The following VPS13B variants were observed in gnomAD, a reference collection of about 807,000 sequenced individuals.
VPS13B encodes vacuolar protein sorting 13 homolog B.
VPS13B carries 285 observed loss-of-function variants against 426.4 expected under a neutral mutation model. The ratio of observed to expected loss-of-function variants is 0.67; its 90% CI spans 0.61 to 0.74. The LOEUF (loss-of-function observed/expected upper bound fraction) is 0.74, where lower values mean the gene tolerates loss of function less well. Among genes scored for constraint, VPS13B ranks in the 30% least tolerant of loss-of-function variants. VPS13B has a pLI of 0.00. For missense variants in VPS13B, 4,537 were observed against 4,782.6 expected, an observed-to-expected ratio of 0.95 and a Z score of 1.51; for synonymous variants, 1,676 against 1,676.4, an observed-to-expected ratio of 1.00 and a Z score of 0.01.
At chr8:99,126,919 C>T in intron 8 of VPS13B, among the ~76,000 whole-genome samples, 1 of 152,064 alleles carries the variant, frequency 6.6e-6, no homozygotes, top group Non-Finnish European at 1.5e-5. Flanking sequence ...TATGGTGAAA[C>T]TCTGTCTCTA....
At chr8:99,063,145 G>A (rs1844282643) in intron 3 of VPS13B, among the ~76,000 whole-genome samples, 1 of 152,208 alleles carries the variant, frequency 6.6e-6, no homozygotes, top group Non-Finnish European at 1.5e-5. Context: ...GCAGCTCCCA[G>A]CGTGATTGAC....
At chr8:99,169,570 T>C (rs1361677135) in intron 15 of VPS13B, among the ~76,000 whole-genome samples, 1 of 152,060 alleles carries the variant, frequency 6.6e-6, no homozygotes, top group African/African-American at 2.4e-5. Context: ...ATATCCTTTT[T>C]GTATGTACAT....
intron 17 of VPS13B, among the ~76,000 whole-genome samples, chr8:99,209,428 A>G (rs1814934926): frequency 6.6e-6 from 1 of 152,108 alleles, no homozygotes; most frequent in Admixed American, 6.6e-5. Flanking sequence ...TCCTTGAAAA[A>G]TTTCCTACTG....
At chr8:99,824,016 AT>A (rs762387440) in intron 51 of VPS13B, 38 bp downstream of exon 51, 5 of 1,603,296 alleles carry the variant, frequency 3.1e-6, no homozygotes, top group Non-Finnish European at 4.3e-6. Context: ...CTAAGTTTTG[AT>A]AAAGAAACAA....
chr8:99,411,348 C>A (rs1215825692), intron 21 of VPS13B, among the ~76,000 whole-genome samples: 1 of 152,196 alleles, frequency 6.6e-6, no homozygotes, highest in Non-Finnish European at 1.5e-5. Context: ...TTGTAGGCCG[C>A]ATAAATGTCT....
chr8:99,171,511 A>T (rs1403866087), intron 16 of VPS13B, among the ~76,000 whole-genome samples: 1 of 152,000 alleles, frequency 6.6e-6, no homozygotes, highest in South Asian at 2.1e-4. Flanking sequence ...TATAGCCTTT[A>T]TATAAAATCA....
At chr8:99,063,436 T>C (rs1264992945) in intron 3 of VPS13B, among the ~76,000 whole-genome samples, 1 of 152,180 alleles carries the variant, frequency 6.6e-6, no homozygotes, top group East Asian at 1.9e-4. Context: ...CCTGGCTTGG[T>C]GGGTCCCATG....
chr8:99,706,318 C>G (rs1464042884), intron 36 of VPS13B, among the ~76,000 whole-genome samples: 1 of 152,116 alleles, frequency 6.6e-6, no homozygotes, highest in Admixed American at 6.6e-5. Flanking sequence ...TTATTAATGA[C>G]GAGTTCAAGG....
intron 37 of VPS13B, 71 bp downstream of exon 37, chr8:99,717,444 A>G (rs899724862): frequency 2.2e-6 from 3 of 1,366,032 alleles, no homozygotes; most frequent in African/African-American, 1.4e-5. Flanking sequence ...GAACTGTTTC[A>G]CTAAATTTTA....
At chr8:99,450,982 A>G (rs1022998995) in intron 23 of VPS13B, among the ~76,000 whole-genome samples, 1 of 152,200 alleles carries the variant, frequency 6.6e-6, no homozygotes, top group African/African-American at 2.4e-5. Context: ...ATCTGACTTT[A>G]TAAGCAGAAA....
At chr8:99,722,585 C>G (rs1459679243) in intron 39 of VPS13B, among the ~76,000 whole-genome samples, 1 of 151,286 alleles carries the variant, frequency 6.6e-6, no homozygotes, top group African/African-American at 2.4e-5. Context: ...CGGCTCACTG[C>G]AAGCTCCGCC....
chr8:99,867,269 G>A (rs772990016), intron 58 of VPS13B, among the ~76,000 whole-genome samples: 1 of 152,082 alleles, frequency 6.6e-6, no homozygotes, highest in Non-Finnish European at 1.5e-5. Flanking sequence ...AATCAGAATG[G>A]TAAGACTTTT....
chr8:99,621,552 A>G (rs1828349017), intron 33 of VPS13B, among the ~76,000 whole-genome samples: 1 of 152,112 alleles, frequency 6.6e-6, no homozygotes, highest in Admixed American at 6.5e-5. Context: ...TTGCTTTATC[A>G]TGCTAACTCC....
chr8:99,686,981 G>A (rs1831437690), intron 35 of VPS13B, among the ~76,000 whole-genome samples: 1 of 152,016 alleles, frequency 6.6e-6, no homozygotes, highest in Admixed American at 6.5e-5. Flanking sequence ...GCTCAAACCA[G>A]CATATCTTTG....
At chr8:99,320,887 AC>A (rs1264286755) in intron 19 of VPS13B, among the ~76,000 whole-genome samples, 1 of 152,202 alleles carries the variant, frequency 6.6e-6, no homozygotes, top group Non-Finnish European at 1.5e-5. Context: ...AGGCATTGCT[AC>A]TTTGGCAAAC....
chr8:99,577,652 T>A lies in VPS13B; in HGVS notation c.5220+19T>A. On this transcript the variant is annotated intron_variant, in intron 33 of 61. Coordinates refer to ENST00000357162, the MANE Select transcript of VPS13B (RefSeq NM_152564.5). The stretch of plus-strand genomic sequence containing the variant: ...TGCAGAGGTAACTGTTACCTGATTT[T>A]GATCAGGCTTACTGCATTTGTTCCA... 6.2e-7 allele frequency: 1 copy of A among 1,612,804 alleles called. No individual in the cohort carries two copies. Among genetic ancestry groups the A allele is most frequent in the Non-Finnish European group, 8.5e-7 (1 of 1,179,588 alleles).
intron 20 of VPS13B, among the ~76,000 whole-genome samples, chr8:99,385,335 A>G (rs1588316770): frequency 6.6e-6 from 1 of 152,324 alleles, no homozygotes. Context: ...TAATTTTGCA[A>G]TATCCTATTT....
At chr8:99,751,727 T>C (rs1233198922) in intron 39 of VPS13B, among the ~76,000 whole-genome samples, 1 of 152,188 alleles carries the variant, frequency 6.6e-6, no homozygotes. Context: ...GTACAGACAT[T>C]GTCAAGAATT....
chr8:99,346,323 G>A (rs1348805860), intron 19 of VPS13B: 2 of 152,278 alleles, frequency 1.3e-5, no homozygotes, highest in Non-Finnish European at 2.9e-5. Flanking sequence ...CTGGATCCTG[G>A]TAAAGCTCTT....
Sources: gnomAD v4.1 joint callset for allele counts (sites outside exome capture counted in the v4.1 genomes callset) on GRCh38, gnomAD v4.1.1 for gene constraint, MANE v1.5 for transcripts, NCBI Gene and HGNC (gene_info 2026-07-23, HGNC 2026-07-21) for gene names.